The following FHIT variants were observed in gnomAD, a reference collection of about 807,000 sequenced individuals.
The protein encoded by FHIT is bis(5'-adenosyl)-triphosphatase.
A neutral mutation model predicts 17.9 loss-of-function variants in FHIT; 19 were observed. That is an observed-to-expected ratio of 1.06 (90% CI 0.74 to 1.56). FHIT has a LOEUF of 1.56. Ranked by LOEUF, FHIT falls within the 40% of genes most tolerant of loss-of-function variation. FHIT has a pLI of 0.00. For synonymous variants in FHIT, 81 were observed against 69.7 expected (o/e 1.16, Z -0.81); for missense variants, 248 against 189.2 (o/e 1.31, Z -1.82).
At chr3:60,582,407 A>T (rs894192364) in intron 4 of FHIT, among the ~76,000 whole-genome samples, 7 of 152,110 alleles carry the variant, frequency 4.6e-5, no homozygotes, top group Non-Finnish European at 7.4e-5. Context: ...GTCTATTTTA[A>T]CAGAAAATTT....
chr3:60,003,739 T>A (rs1001302763), intron 7 of FHIT, among the ~76,000 whole-genome samples: 2 of 151,580 alleles, frequency 1.3e-5, no homozygotes, highest in African/African-American at 4.9e-5. Context: ...AGCGAGACTC[T>A]GTCTCAAAAA....
chr3:61,194,472 T>TA (rs147185798), intron 2 of FHIT, among the ~76,000 whole-genome samples: 1,847 of 151,800 alleles, frequency 0.012, 43 homozygotes, highest in African/African-American at 0.042. Context: ...CCTGCTACCT[T>TA]AAAAAAAAGG....
intron 5 of FHIT, among the ~76,000 whole-genome samples, chr3:60,272,374 T>C (rs1232140645): frequency 1.3e-5 from 2 of 152,276 alleles, no homozygotes; most frequent in African/African-American, 4.8e-5. Context: ...CCTTAAATTA[T>C]ATAGAAGATC....
At chr3:61,246,610 C>T (rs973249226) in intron 1 of FHIT, among the ~76,000 whole-genome samples, 13 of 152,042 alleles carry the variant, frequency 8.6e-5, no homozygotes, top group African/African-American at 2.9e-4. Context: ...AAAGCAAACA[C>T]CACACGTTCT....
intron 8 of FHIT, among the ~76,000 whole-genome samples, chr3:59,837,972 T>C (rs908712941): frequency 6.6e-6 from 1 of 152,126 alleles, no homozygotes; most frequent in Non-Finnish European, 1.5e-5. Context: ...GGGGCAAATG[T>C]TAGCTGCAGT....
At chr3:60,259,311 A>T (rs1706178230) in intron 5 of FHIT, among the ~76,000 whole-genome samples, 1 of 152,180 alleles carries the variant, frequency 6.6e-6, no homozygotes, top group Non-Finnish European at 1.5e-5. Flanking sequence ...TTGCTCAGAC[A>T]TAGCAGATGA....
chr3:61,144,070 T>C (rs2037161921), intron 2 of FHIT, among the ~76,000 whole-genome samples: 1 of 152,206 alleles, frequency 6.6e-6, no homozygotes, highest in Non-Finnish European at 1.5e-5. Flanking sequence ...ACCATAAAAT[T>C]CACCCATTTA....
At chr3:60,041,061 A>T (rs564079745) in intron 5 of FHIT, among the ~76,000 whole-genome samples, 15 of 152,102 alleles carry the variant, frequency 9.9e-5, no homozygotes, top group East Asian at 1.9e-4. Flanking sequence ...TTTTCTCAAT[A>T]AAAAAAAGCT....
chr3:60,604,101 T>C (rs782119040), intron 4 of FHIT, among the ~76,000 whole-genome samples: 1 of 152,124 alleles, frequency 6.6e-6, no homozygotes, highest in Non-Finnish European at 1.5e-5. Context: ...TGGGAGTACA[T>C]TGTGCAGCAG....
At chr3:60,960,046 T>C (rs772379286) in intron 3 of FHIT, among the ~76,000 whole-genome samples, 2 of 151,046 alleles carry the variant, frequency 1.3e-5, no homozygotes, top group Non-Finnish European at 1.5e-5. Flanking sequence ...TATCTCTGAA[T>C]GATAAGTTTT....
chr3:61,236,336 G>A (rs1289954129), intron 1 of FHIT, among the ~76,000 whole-genome samples: 1 of 151,118 alleles, frequency 6.6e-6, no homozygotes, highest in Non-Finnish European at 1.5e-5. Context: ...CCTGTGACCT[G>A]CCAAATGCAG....
chr3:60,552,412 T>C (rs2036590964), intron 4 of FHIT, among the ~76,000 whole-genome samples: 1 of 152,198 alleles, frequency 6.6e-6, no homozygotes, highest in Admixed American at 6.5e-5. Context: ...GCTGTTTTCC[T>C]TAGTGGCTGT....
chr3:60,461,906 G>A (rs144749619), intron 5 of FHIT, among the ~76,000 whole-genome samples: 74 of 152,178 alleles, frequency 4.9e-4, no homozygotes, highest in Non-Finnish European at 8.5e-4. Flanking sequence ...GGGAACCCCC[G>A]CCCCCCTTTA....
intron 5 of FHIT, among the ~76,000 whole-genome samples, chr3:60,047,936 G>A (rs2106865145): frequency 6.6e-6 from 1 of 152,324 alleles, no homozygotes; most frequent in Non-Finnish European, 1.5e-5. Context: ...ATAACCGTGA[G>A]TTGGGTGGCT....
chr3:60,378,188 G>A (rs888678978), intron 5 of FHIT, among the ~76,000 whole-genome samples: 3 of 151,366 alleles, frequency 2.0e-5, no homozygotes, highest in East Asian at 2.0e-4. Context: ...CACTATGCCC[G>A]GCTAATTTTT....
chr3:60,393,922 G>C (rs1701333057), intron 5 of FHIT, among the ~76,000 whole-genome samples: 1 of 152,134 alleles, frequency 6.6e-6, no homozygotes, highest in African/African-American at 2.4e-5. Context: ...AGTAATAACT[G>C]CAAGAGAGTT....
chr3:60,480,620 C>G lies in FHIT; in HGVS notation c.103+56240G>C, dbSNP rs373199406. Among the ~76,000 whole-genome samples the G allele has an allele frequency of 6.6e-5, 10 of 152,292 alleles. No individual in the cohort carries two copies. In the East Asian group the frequency reaches 9.7e-4, roughly 15 times the overall value. On this transcript the variant is annotated intron_variant, in intron 5 of 9. Coordinates refer to ENST00000492590, the MANE Select transcript of FHIT (RefSeq NM_002012.4). ...GAGAAATTGGCCAAAACTAAGGGGA[C>G]ACAGGTCCCATGCAAATCCGAAACC...
chr3:60,626,057 A>G (rs72889679), intron 4 of FHIT, among the ~76,000 whole-genome samples: 1,662 of 152,298 alleles, frequency 0.011, 38 homozygotes, highest in African/African-American at 0.038. Flanking sequence ...ATGTGAGTTT[A>G]TTTCTGGAAT....
At chr3:60,769,040 T>C (rs1175810525) in intron 4 of FHIT, among the ~76,000 whole-genome samples, 1 of 152,224 alleles carries the variant, frequency 6.6e-6, no homozygotes, top group Non-Finnish European at 1.5e-5. Flanking sequence ...TTCACCTTGA[T>C]GGTCTCCCAC....
Sources: allele counts gnomAD v4.1 joint callset (sites outside exome capture counted in the v4.1 genomes callset), GRCh38; gene constraint gnomAD v4.1.1; transcripts MANE v1.5; gene names NCBI Gene and HGNC (gene_info 2026-07-23, HGNC 2026-07-21).